EPHB2: variants seen among roughly 807,000 people sequenced by gnomAD.
EPHB2 encodes ephrin type-B receptor 2.
EPHB2 carries 18 observed loss-of-function variants against 96.4 expected under a neutral mutation model. The observed-to-expected ratio is 0.19, with a 90% CI of 0.13 to 0.28. EPHB2 has a LOEUF of 0.28. Among genes scored for constraint, EPHB2 ranks in the 10% least tolerant of loss-of-function variants. The pLI is 1.00. For synonymous variants in EPHB2, 506 were observed against 534.1 expected (o/e 0.95, Z 0.72); for missense variants, 989 against 1,355.4 (o/e 0.73, Z 4.25).
intron 3 of EPHB2, among the ~76,000 whole-genome samples, chr1:22,844,589 T>C (rs962579925): frequency 6.6e-6 from 1 of 152,166 alleles, no homozygotes; most frequent in Non-Finnish European, 1.5e-5. Flanking sequence ...TTATCCCCAT[T>C]TTGCAGGTGG....
chr1:22,821,951 T>C (rs1483725834), intron 3 of EPHB2, among the ~76,000 whole-genome samples: 1 of 152,160 alleles, frequency 6.6e-6, no homozygotes, highest in East Asian at 1.9e-4. Flanking sequence ...GTGGTGGTAC[T>C]TGTGGAAGGG....
chr1:22,832,790 A>T (rs1645325219), intron 3 of EPHB2, among the ~76,000 whole-genome samples: 1 of 152,186 alleles, frequency 6.6e-6, no homozygotes, highest in African/African-American at 2.4e-5. Context: ...GGGTTCAGCC[A>T]ATACTTTATA....
intron 5 of EPHB2, among the ~76,000 whole-genome samples, chr1:22,881,225 ACT>A (rs1299465491): frequency 6.6e-6 from 1 of 151,986 alleles, no homozygotes; most frequent in East Asian, 1.9e-4. Context: ...ACATGGTGAA[ACT>A]CTGTCTACTA....
intron 1 of EPHB2, among the ~76,000 whole-genome samples, chr1:22,746,010 T>C (rs1643969562): frequency 6.6e-6 from 1 of 152,296 alleles, no homozygotes; most frequent in African/African-American, 2.4e-5. Flanking sequence ...CAGCAAGGTT[T>C]GGTGAGAAAG....
intron 9 of EPHB2, among the ~76,000 whole-genome samples, chr1:22,905,467 TG>T (rs1639880300): frequency 6.6e-6 from 1 of 151,980 alleles, no homozygotes; most frequent in African/African-American, 2.4e-5. Flanking sequence ...AAAGGGACCC[TG>T]GGGGAAGAGG....
chr1:22,814,729 C>T (rs556859313), intron 3 of EPHB2, among the ~76,000 whole-genome samples: 5 of 152,314 alleles, frequency 3.3e-5, no homozygotes, highest in East Asian at 3.9e-4. Flanking sequence ...TGAGGTAGGG[C>T]CCAGGGAGGC....
intron 1 of EPHB2, among the ~76,000 whole-genome samples, chr1:22,717,026 G>A (rs886353177): frequency 1.3e-5 from 2 of 152,186 alleles, no homozygotes; most frequent in African/African-American, 4.8e-5. Context: ...CCATTAGGCA[G>A]GCAAATTTGC....
rs546076636 is a variant in EPHB2, at chr1:22,753,842, T to C, written c.62-27579T>C. Among the ~76,000 whole-genome samples the C allele has an allele frequency of 2.0e-5, 3 of 152,232 alleles. No individual in the cohort carries two copies. In the South Asian group the frequency reaches 6.2e-4, roughly 32 times the overall value. On this transcript the variant is annotated intron_variant, in intron 1 of 15. Transcript: ENST00000374630. ...GCTGGACCCATTTATATCCTCCGCCTCTCCAGCTTCTCGGCGTAATGAGCT... is the reference window on the plus strand; with the variant it reads ...GCTGGACCCATTTATATCCTCCGCCCCTCCAGCTTCTCGGCGTAATGAGCT...
intron 3 of EPHB2, among the ~76,000 whole-genome samples, chr1:22,788,753 G>GTTTTTTTTTTTTTTTTTTTTTTTTT (rs66554696): frequency 7.5e-6 from 1 of 134,160 alleles, no homozygotes; most frequent in African/African-American, 2.9e-5. Context: ...TTTTGTTTTT[G>GTTTTTTTTTTTTTTTTTTTTTTTTT]TTTTTTTTTT....
intron 3 of EPHB2, among the ~76,000 whole-genome samples, chr1:22,840,276 CGAT>C (rs1173631407): frequency 2.6e-5 from 4 of 152,068 alleles, no homozygotes; most frequent in Non-Finnish European, 5.9e-5. Flanking sequence ...GAAGGAATAA[CGAT>C]GACTACTTAA....
Position 22,921,462 on chromosome 1 carries a change from C to T in EPHB2, c.*7892C>T, listed in dbSNP as rs915884827. On this transcript the variant is annotated 3_prime_UTR_variant, in exon 16 of 16. Transcript: ENST00000374630. ...CTTTGTAGGAGTATTTTTAGCAGAA[C>T]CGTTTTTTTCCCAAAATAAATGTGA... is the stretch of plus-strand genomic sequence containing the variant. 1.3e-5 allele frequency: 2 copies of T among 152,118 alleles called. No individual in the cohort carries two copies. The highest frequency in any genetic ancestry group is 4.8e-5 in the African/African-American group (2 of 41,404). 9.4% of individuals were successfully genotyped at this position (152,118 alleles called of 1,614,324 possible). A position where few individuals can be genotyped will look rare whatever the true frequency, so the allele number is the denominator to read the frequency against.
chr1:22,740,475 C>T (rs921038169), intron 1 of EPHB2, among the ~76,000 whole-genome samples: 22 of 152,160 alleles, frequency 1.4e-4, no homozygotes, highest in Admixed American at 3.9e-4. Context: ...TGGGGTCCTG[C>T]GGTCTGGCGG....
intron 1 of EPHB2, among the ~76,000 whole-genome samples, chr1:22,766,409 A>G (rs1644308221): frequency 6.6e-6 from 1 of 151,596 alleles, no homozygotes; most frequent in Non-Finnish European, 1.5e-5. Flanking sequence ...ATCCCACCCC[A>G]CTCCAGAGGT....
In EPHB2 at chr1:22,884,237, G is replaced by A. The variant is rs570593458; in HGVS notation, c.1428+1754G>A. ...AAAAAGGGAACTGGCTGGGCGCGGTGGCTCACGCCTGTAATCCCAGCACTT... is the reference window on the plus strand; with the variant it reads ...AAAAAGGGAACTGGCTGGGCGCGGTAGCTCACGCCTGTAATCCCAGCACTT... On this transcript the variant is annotated intron_variant, in intron 6 of 15. Transcript: ENST00000374630. Among the ~76,000 whole-genome samples, 151 of 152,346 alleles carry A rather than the reference G, an allele frequency of 9.9e-4. 1 individual carries two copies. The highest frequency in any genetic ancestry group is 3.5e-3 in the African/African-American group (147 of 41,588).
intron 9 of EPHB2, among the ~76,000 whole-genome samples, chr1:22,897,841 T>G (rs1480695848): frequency 2.0e-5 from 3 of 151,290 alleles, no homozygotes; most frequent in African/African-American, 7.3e-5. Flanking sequence ...GGCTCACGCC[T>G]GTAATCCCAC....
chr1:22,859,736 T>A (rs1353491603), intron 3 of EPHB2, among the ~76,000 whole-genome samples: 5 of 152,062 alleles, frequency 3.3e-5, no homozygotes, highest in African/African-American at 1.2e-4. Flanking sequence ...GAGGCTGCAG[T>A]GAGCCGAGAT....
chr1:22,721,670 G>T (rs1027786568), intron 1 of EPHB2, among the ~76,000 whole-genome samples: 5 of 152,030 alleles, frequency 3.3e-5, no homozygotes, highest in Non-Finnish European at 7.4e-5. Flanking sequence ...AGGCTGGAGT[G>T]CAGTGACGCA....
At chr1:22,727,125 G>A (rs796813470) in intron 1 of EPHB2, among the ~76,000 whole-genome samples, 2 of 152,338 alleles carry the variant, frequency 1.3e-5, no homozygotes, top group Admixed American at 6.5e-5. Flanking sequence ...AGGAGGGAAA[G>A]GTTCAGGAAG....
intron 1 of EPHB2, among the ~76,000 whole-genome samples, chr1:22,762,145 C>T (rs1042421755): frequency 6.6e-6 from 1 of 152,230 alleles, no homozygotes; most frequent in South Asian, 2.1e-4. Flanking sequence ...CTGAGGCGAA[C>T]GTCTCCTGGT....
Sources: gnomAD v4.1 joint callset for allele counts (sites outside exome capture counted in the v4.1 genomes callset) on GRCh38, gnomAD v4.1.1 for gene constraint, MANE v1.5 for transcripts, NCBI Gene and HGNC (gene_info 2026-07-23, HGNC 2026-07-21) for gene names.